Variants in SMYD3 observed in about 807,000 individuals in gnomAD.
SMYD3 encodes the protein histone-lysine N-methyltransferase SMYD3.
SMYD3 carries 36 observed loss-of-function variants against 57.7 expected under a neutral mutation model. The ratio of observed to expected loss-of-function variants is 0.62; its 90% CI spans 0.48 to 0.82. The LOEUF (loss-of-function observed/expected upper bound fraction) is 0.82, where lower values mean the gene tolerates loss of function less well. Among genes scored for constraint, SMYD3 ranks in the 40% least tolerant of loss-of-function variants. The pLI, the probability that SMYD3 is intolerant of heterozygous loss-of-function variation, is 0.00. For missense variants in SMYD3, 515 were observed against 538.8 expected, an observed-to-expected ratio of 0.96 and a Z score of 0.44; for synonymous variants, 211 against 195.0, an observed-to-expected ratio of 1.08 and a Z score of -0.68.
Position 246,248,062 on chromosome 1 carries a change from T to C in SMYD3, c.531+79139A>G, listed in dbSNP as rs77079110. On this transcript the variant is annotated intron_variant, in intron 5 of 11. Transcript: ENST00000490107. ...ATGTAAGGTTGGGTCTCAACTGAAA[T>C]AGTTAACAGGCAGAGAGCATATCTC... Among the ~76,000 whole-genome samples the C allele has an allele frequency of 1.1e-3, 168 of 152,306 alleles. 2 individuals are homozygous for C. The East Asian group carries it at 0.026, about 24-fold the overall frequency.
chr1:246,457,607 T>C (rs2067723967), intron 1 of SMYD3, among the ~76,000 whole-genome samples: 1 of 151,658 alleles, frequency 6.6e-6, no homozygotes, highest in Non-Finnish European at 1.5e-5. Flanking sequence ...CCAAATTCTC[T>C]ACCATGGCCT....
At chr1:245,905,152 A>G (rs2054476452) in intron 8 of SMYD3, among the ~76,000 whole-genome samples, 1 of 151,718 alleles carries the variant, frequency 6.6e-6, no homozygotes, top group Non-Finnish European at 1.5e-5. Context: ...GCTTCAGGTG[A>G]GACTCAGCAC....
intron 8 of SMYD3, among the ~76,000 whole-genome samples, chr1:245,865,662 C>T (rs9287189): frequency 0.97 from 147,328 of 152,328 alleles, 71,303 homozygotes; most frequent in Non-Finnish European, 0.99. Context: ...GCTGCACTAA[C>T]AGGTAGCCAC....
rs538127576 is a variant in SMYD3 at position 246,432,695 on chromosome 1, T to G, written c.164+74359A>C. ...CTGCCTAACTGATGGCAGACTATTATCTAAAGCATATTCCTACTCTAAAGG... is the reference window on the plus strand; with the variant it reads ...CTGCCTAACTGATGGCAGACTATTAGCTAAAGCATATTCCTACTCTAAAGG... On this transcript the variant is annotated intron_variant, in intron 1 of 11. Coordinates refer to ENST00000490107, the MANE Select transcript of SMYD3 (RefSeq NM_001167740.2). Among the ~76,000 whole-genome samples the G allele has an allele frequency of 4.1e-3, 625 of 152,342 alleles. 2 individuals carry two copies. The highest frequency in any genetic ancestry group is 7.1e-3 in the Non-Finnish European group (482 of 68,026).
At chr1:245,851,572 G>T (rs780939561) in intron 10 of SMYD3, among the ~76,000 whole-genome samples, 2 of 152,192 alleles carry the variant, frequency 1.3e-5, no homozygotes, top group Non-Finnish European at 2.9e-5. Context: ...ACAGAGATCT[G>T]ATTTCCTAAA....
intron 5 of SMYD3, among the ~76,000 whole-genome samples, chr1:246,159,026 G>A (rs1178936802): frequency 3.3e-5 from 5 of 152,008 alleles, no homozygotes; most frequent in Non-Finnish European, 7.4e-5. Flanking sequence ...AATACACCAC[G>A]AGCGTGTGGA....
Position 246,292,388 on chromosome 1 carries a change from C to CAACACACCAGCA in SMYD3, c.531+34812_531+34813insTGCTGGTGTGTT, listed in dbSNP as rs1443626959. 2.7e-3 allele frequency among the ~76,000 whole-genome samples: 405 copies of CAACACACCAGCA among 150,964 alleles called. 26 individuals carry two copies. The highest frequency in any genetic ancestry group is 4.6e-3 in the Non-Finnish European group (308 of 67,664). On this transcript the variant is annotated intron_variant, in intron 5 of 11. Coordinates refer to ENST00000490107, the MANE Select transcript of SMYD3 (RefSeq NM_001167740.2). ...ACACCAGCATCTTAGACTTACTATC[C>CAACACACCAGCA]TACACACCAGCATCTTAGACTTACT...
chr1:246,330,540 G>A lies in SMYD3; in HGVS notation c.337-3C>T. The A allele has an allele frequency of 6.3e-7, 1 of 1,589,912 alleles. No homozygotes were observed. Among genetic ancestry groups the A allele is most frequent in the Non-Finnish European group, 8.5e-7 (1 of 1,170,574 alleles). On this transcript the variant is annotated splice_polypyrimidine_tract_variant and splice_region_variant and intron_variant, in intron 3 of 11. Transcript: ENST00000490107. ...GATTCTGAAGGTGCTCCATCCATCTGTGAAGGAAAAGGGGAAAACGCCAAT... is the reference window on the plus strand; with the variant it reads ...GATTCTGAAGGTGCTCCATCCATCTATGAAGGAAAAGGGGAAAACGCCAAT...
At chr1:246,100,204 C>T (rs1433534645) in intron 5 of SMYD3, among the ~76,000 whole-genome samples, 7 of 152,050 alleles carry the variant, frequency 4.6e-5, no homozygotes, top group Non-Finnish European at 7.4e-5. Context: ...AGCAAGACTT[C>T]AACGCATTAA....
At chr1:245,797,978 T>G (rs1322932560) in intron 10 of SMYD3, among the ~76,000 whole-genome samples, 1 of 152,182 alleles carries the variant, frequency 6.6e-6, no homozygotes, top group African/African-American at 2.4e-5. Flanking sequence ...GTGAGAATTT[T>G]GGGTTGAGGT....
intron 10 of SMYD3, among the ~76,000 whole-genome samples, chr1:245,776,846 C>T (rs1325425568): frequency 6.6e-6 from 1 of 152,216 alleles, no homozygotes; most frequent in Non-Finnish European, 1.5e-5. Flanking sequence ...CAAGCCAAAT[C>T]CCATGAGCAA....
intron 1 of SMYD3, among the ~76,000 whole-genome samples, chr1:246,497,976 T>C (rs2068390381): frequency 6.6e-6 from 1 of 152,192 alleles, no homozygotes; most frequent in Non-Finnish European, 1.5e-5. Flanking sequence ...GAAAAGATGT[T>C]TAACTTCACC....
chr1:246,184,076 C>A (rs1004162400), intron 5 of SMYD3, among the ~76,000 whole-genome samples: 43 of 152,216 alleles, frequency 2.8e-4, no homozygotes, highest in African/African-American at 1.0e-3. Flanking sequence ...ACTCCAAGAT[C>A]CACAAAAGAT....
intron 1 of SMYD3, among the ~76,000 whole-genome samples, chr1:246,472,273 GA>G (rs916101608): frequency 6.6e-6 from 1 of 152,046 alleles, no homozygotes; most frequent in African/African-American, 2.4e-5. Flanking sequence ...AAAGAAAACA[GA>G]AAAGTGACAG....
In SMYD3 at chr1:246,054,906, C is replaced by T. The variant is rs547053982; in HGVS notation, c.532-124969G>A. Among the ~76,000 whole-genome samples the T allele has an allele frequency of 6.5e-4, 91 of 140,620 alleles. No individual in the cohort carries two copies. In the South Asian group the frequency reaches 0.017, roughly 26 times the overall value. 92.3% of individuals were successfully genotyped at this position (140,620 alleles called of 152,430 possible). A position where few individuals can be genotyped will look rare whatever the true frequency, so the allele number is the denominator to read the frequency against. On this transcript the variant is annotated intron_variant, in intron 5 of 11. Transcript: ENST00000490107. ...AAAAAAAAAAAAAGGCCAGGTGCGG[C>T]GGCTCACGCCTGTAATCCCAGCACT...
intron 5 of SMYD3, among the ~76,000 whole-genome samples, chr1:245,958,057 T>A (rs1360676354): frequency 1.3e-5 from 2 of 152,172 alleles, no homozygotes; most frequent in African/African-American, 4.8e-5. Flanking sequence ...GGGTTTTCTA[T>A]CTGCAATGAG....
chr1:245,886,339 G>T (rs147437906), intron 8 of SMYD3, among the ~76,000 whole-genome samples: 6 of 152,020 alleles, frequency 3.9e-5, no homozygotes, highest in African/African-American at 1.5e-4. Context: ...TAGAGTTCTC[G>T]GGGTCTGAAA....
At chr1:245,789,737 A>G (rs2148179134) in intron 10 of SMYD3, among the ~76,000 whole-genome samples, 1 of 152,332 alleles carries the variant, frequency 6.6e-6, no homozygotes, top group East Asian at 1.9e-4. Flanking sequence ...CACTGCTCCC[A>G]AAACATTGTT....
intron 5 of SMYD3, among the ~76,000 whole-genome samples, chr1:246,302,392 T>C (rs1239136172): frequency 3.3e-5 from 5 of 152,140 alleles, no homozygotes; most frequent in Admixed American, 2.6e-4. Flanking sequence ...CTTCATTCAA[T>C]GTGGGCTGGA....
Sources: gnomAD v4.1 joint callset for allele counts (sites outside exome capture counted in the v4.1 genomes callset) on GRCh38, gnomAD v4.1.1 for gene constraint, MANE v1.5 for transcripts, NCBI Gene and HGNC (gene_info 2026-07-23, HGNC 2026-07-21) for gene names.